The following KTN1 variants were observed in gnomAD, a reference collection of about 807,000 sequenced individuals.
The protein encoded by KTN1 is kinectin 1.
Under a neutral mutation model 222.5 loss-of-function variants are expected in KTN1, and 130 were observed. The ratio of observed to expected loss-of-function variants is 0.58; its 90% CI spans 0.51 to 0.68. The LOEUF is 0.68. KTN1 is among the 30% of genes least tolerant of loss of function. KTN1 has a pLI of 0.00. For missense variants in KTN1, 1,508 were observed against 1,500.4 expected (o/e 1.01, Z -0.08); for synonymous variants, 512 against 496.3 (o/e 1.03, Z -0.42).
intron 1 of KTN1, among the ~76,000 whole-genome samples, chr14:55,581,442 GGTGTGTGTGTGT>G (rs369432241): frequency 6.6e-6 from 1 of 150,664 alleles, no homozygotes; most frequent in Non-Finnish European, 1.5e-5. Flanking sequence ...TAACTGTTAA[GGTGTGTGTGTGT>G]GTGTGAGTGT....
chr14:55,633,286 GA>G lies in KTN1; in HGVS notation c.1277del (p.Asn426MetfsTer4). On this transcript the variant is annotated frameshift_variant, in exon 8 of 44. Transcript: ENST00000395314. LOFTEE classifies it high-confidence loss of function. ...MEAEIAHLKQ[E>X]NGILRDAVSN... is the part of the protein sequence containing the mutation. ...GGCAGAGATAGCTCACTTGAAGCAG[GA>G]AAATGGTATACTGAGAGATGCAGTC... is the stretch of plus-strand genomic sequence containing the variant. The G allele has an allele frequency of 6.3e-7, 1 of 1,598,944 alleles. No homozygotes were observed. The highest frequency in any genetic ancestry group is 8.5e-7 in the Non-Finnish European group (1 of 1,172,704).
chr14:55,595,249 C>G (rs1042164716), intron 1 of KTN1, among the ~76,000 whole-genome samples: 3 of 152,172 alleles, frequency 2.0e-5, no homozygotes, highest in African/African-American at 7.2e-5. Flanking sequence ...AAATTTCACT[C>G]TATAGAATAT....
intron 1 of KTN1, among the ~76,000 whole-genome samples, chr14:55,603,066 C>T (rs2036217393): frequency 6.6e-6 from 1 of 152,142 alleles, no homozygotes; most frequent in African/African-American, 2.4e-5. Context: ...CCATCTAAGG[C>T]CAGTCACTCT....
intron 1 of KTN1, among the ~76,000 whole-genome samples, chr14:55,594,457 G>C (rs937516172): frequency 7.0e-6 from 1 of 142,078 alleles, no homozygotes; most frequent in African/African-American, 2.6e-5. Flanking sequence ...GTGTTTCTTC[G>C]TTCTGTTTTG....
chr14:55,605,624 T>C (rs1371411978), intron 1 of KTN1, among the ~76,000 whole-genome samples: 2 of 152,156 alleles, frequency 1.3e-5, no homozygotes, highest in Admixed American at 6.5e-5. Flanking sequence ...GATAAAAATT[T>C]TTAAGTAAGA....
At chr14:55,618,540 T>TA (rs1275162634) in intron 4 of KTN1, among the ~76,000 whole-genome samples, 2 of 152,160 alleles carry the variant, frequency 1.3e-5, no homozygotes, top group Non-Finnish European at 2.9e-5. Flanking sequence ...TTTTAAAACT[T>TA]ATAATTTAGC....
chr14:55,637,100 A>C, intron 10 of KTN1, 98 bp from the exon 11 acceptor site: 1 of 825,484 alleles, frequency 1.2e-6, no homozygotes, highest in Non-Finnish European at 1.8e-6. Context: ...GAGAGATTCA[A>C]AGAAGGTTTT....
chr14:55,679,774 A>G (rs2046209435), intron 43 of KTN1, 89 bp downstream of exon 43: 3 of 1,299,404 alleles, frequency 2.3e-6, no homozygotes, highest in Admixed American at 2.0e-5. Flanking sequence ...TCACTTCACT[A>G]GAGGAAATAT....
At chr14:55,632,843 T>G (rs1017872126) in intron 7 of KTN1, among the ~76,000 whole-genome samples, 3 of 152,224 alleles carry the variant, frequency 2.0e-5, no homozygotes, top group African/African-American at 7.2e-5. Context: ...TTTTAAACTT[T>G]GGCTTACTAA....
At chr14:55,648,923 T>C (rs969535483) in intron 21 of KTN1, 53 bp downstream of exon 21, 2 of 1,246,436 alleles carry the variant, frequency 1.6e-6, no homozygotes, top group Non-Finnish European at 2.3e-6. Flanking sequence ...TGTTTGTTTG[T>C]TTGTTGTTTT....
At chr14:55,656,190 A>C in intron 29 of KTN1, 58 bp downstream of exon 29, 1 of 1,237,422 alleles carries the variant, frequency 8.1e-7, no homozygotes, top group Non-Finnish European at 1.2e-6. Flanking sequence ...GCATGCTTTA[A>C]AATAATTTTT....
intron 29 of KTN1, 104 bp downstream of exon 29, chr14:55,656,236 C>A: frequency 1.4e-6 from 1 of 711,774 alleles, no homozygotes; most frequent in East Asian, 2.7e-5. Context: ...GAATGAGTCT[C>A]CCTCCCACCC....
At chr14:55,624,506 G>T (rs991157387) in intron 5 of KTN1, among the ~76,000 whole-genome samples, 1 of 152,152 alleles carries the variant, frequency 6.6e-6, no homozygotes, top group East Asian at 1.9e-4. Context: ...GGCATCCCTT[G>T]TGCCATTTAA....
At chr14:55,606,078 T>C (rs2036683220) in intron 1 of KTN1, among the ~76,000 whole-genome samples, 1 of 152,326 alleles carries the variant, frequency 6.6e-6, no homozygotes, top group South Asian at 2.1e-4. Flanking sequence ...TAGTTTTTTT[T>C]GTTGTTTTTT....
At chr14:55,632,030 C>A (rs2040593016) in intron 7 of KTN1, among the ~76,000 whole-genome samples, 1 of 152,022 alleles carries the variant, frequency 6.6e-6, no homozygotes, top group Non-Finnish European at 1.5e-5. Context: ...TCTGAAATGC[C>A]ACTAATAGCA....
intron 28 of KTN1, 94 bp downstream of exon 28, chr14:55,653,690 CATT>C: frequency 1.1e-6 from 1 of 872,056 alleles, no homozygotes; most frequent in Non-Finnish European, 1.9e-6. Context: ...TCCTGTACAT[CATT>C]AACTTTATTG....
At chr14:55,645,794 G>A (rs2042225458) in intron 18 of KTN1, among the ~76,000 whole-genome samples, 1 of 152,160 alleles carries the variant, frequency 6.6e-6, no homozygotes, top group African/African-American at 2.4e-5. Flanking sequence ...AGATGAGTAA[G>A]CTGAGGGCCA....
At chr14:55,639,891 A>G in intron 13 of KTN1, 22 bp from the exon 14 acceptor site, 1 of 1,417,768 alleles carries the variant, frequency 7.1e-7, no homozygotes, top group Non-Finnish European at 9.9e-7. Flanking sequence ...TATTGAATGT[A>G]CAAATGTCTT....
chr14:55,627,879 A>G (rs747773841), intron 5 of KTN1, 33 bp from the exon 6 acceptor site: 13 of 1,217,242 alleles, frequency 1.1e-5, no homozygotes, highest in Non-Finnish European at 1.5e-5. Context: ...CATGGTAACT[A>G]TTACTAATTC....
Sources: allele counts gnomAD v4.1 joint callset (sites outside exome capture counted in the v4.1 genomes callset), GRCh38; gene constraint gnomAD v4.1.1; transcripts MANE v1.5; gene names NCBI Gene and HGNC (gene_info 2026-07-23, HGNC 2026-07-21).